Variants in SGCD observed in about 807,000 individuals in gnomAD.
SGCD encodes the protein delta-sarcoglycan.
Under a neutral mutation model 36.6 loss-of-function variants are expected in SGCD, and 18 were observed. The observed-to-expected ratio is 0.49, with a 90% CI of 0.34 to 0.73. The LOEUF is 0.73. Ranked by LOEUF, SGCD falls within the 30% of genes least tolerant of loss-of-function variation. SGCD has a pLI of 0.01. For synonymous variants in SGCD, 133 were observed against 130.6 expected (o/e 1.02, Z -0.12); for missense variants, 387 against 346.7 (o/e 1.12, Z -0.92).
intron 5 of SGCD, among the ~76,000 whole-genome samples, chr5:156,592,740 G>A (rs1347887541): frequency 6.6e-6 from 1 of 152,146 alleles, no homozygotes; most frequent in African/African-American, 2.4e-5. Flanking sequence ...GGTCAGATAA[G>A]ATGACTTCCG....
At chr5:156,205,018 C>G (rs945968655) in intron 3 of SGCD, among the ~76,000 whole-genome samples, 2 of 152,070 alleles carry the variant, frequency 1.3e-5, no homozygotes, top group African/African-American at 2.4e-5. Context: ...ATTATTTTCA[C>G]CTGAACAATA....
chr5:155,759,846 T>A, the SGCD span, among the ~76,000 whole-genome samples: 1 of 152,214 alleles, frequency 6.6e-6, no homozygotes, highest in African/African-American at 2.4e-5. Flanking sequence ...TTCTCAGCTA[T>A]TATCAAATTC....
chr5:156,387,770 G>A (rs1771348656), intron 3 of SGCD, among the ~76,000 whole-genome samples: 2 of 152,296 alleles, frequency 1.3e-5, no homozygotes, highest in South Asian at 4.1e-4. Flanking sequence ...TTATTTAGGG[G>A]AATGTGCATG....
intron 1 of SGCD, among the ~76,000 whole-genome samples, chr5:155,988,876 T>A (rs1321415399): frequency 6.6e-6 from 1 of 152,344 alleles, no homozygotes; most frequent in African/African-American, 2.4e-5. Flanking sequence ...TAGCTGTTGC[T>A]TTTATTATAA....
intron 1 of SGCD, among the ~76,000 whole-genome samples, chr5:155,982,471 C>A (rs985940105): frequency 6.6e-5 from 10 of 152,162 alleles, no homozygotes; most frequent in Non-Finnish European, 1.3e-4. Flanking sequence ...CTTTTCCAAT[C>A]TCAGTATACT....
chr5:156,367,117 A>G (rs1770146910), intron 3 of SGCD, among the ~76,000 whole-genome samples: 2 of 152,228 alleles, frequency 1.3e-5, no homozygotes, highest in African/African-American at 4.8e-5. Context: ...CTATTAACAT[A>G]TGAAAAATTT....
At chr5:155,861,160 T>C in the SGCD span, among the ~76,000 whole-genome samples, 2 of 152,180 alleles carry the variant, frequency 1.3e-5, no homozygotes, top group Non-Finnish European at 2.9e-5. Flanking sequence ...CTTTATTGCC[T>C]GCCCCACGGT....
chr5:155,779,425 G>A, the SGCD span, among the ~76,000 whole-genome samples: 16 of 151,784 alleles, frequency 1.1e-4, no homozygotes, highest in African/African-American at 3.9e-4. Flanking sequence ...GTGATGGAGC[G>A]ATACGCTGTC....
rs535692922 is a variant in SGCD at position 156,201,546 on chromosome 5, C to A, written c.-44+77527C>A. On this transcript the variant is annotated intron_variant, in intron 3 of 9. Transcript: ENST00000517913. ...GGAGGCCCACGGTTTAACAGAGAAACCAGTTTATGGCAAATTTGCCAACAT... is the reference window on the plus strand; with the variant it reads ...GGAGGCCCACGGTTTAACAGAGAAAACAGTTTATGGCAAATTTGCCAACAT... Among the ~76,000 whole-genome samples the A allele has an allele frequency of 3.3e-5, 5 of 152,212 alleles. No individual in the cohort carries two copies. In the South Asian group the frequency reaches 1.0e-3, roughly 32 times the overall value.
At chr5:156,447,077 T>G (rs1753782959) in intron 3 of SGCD, among the ~76,000 whole-genome samples, 1 of 152,076 alleles carries the variant, frequency 6.6e-6, no homozygotes, top group African/African-American at 2.4e-5. Context: ...ATTCTAAGGA[T>G]GGGATAACAC....
intron 7 of SGCD, among the ~76,000 whole-genome samples, chr5:156,650,840 A>G (rs1210184572): frequency 6.6e-6 from 1 of 152,164 alleles, no homozygotes; most frequent in East Asian, 1.9e-4. Context: ...CCCTTTGGGT[A>G]TATACCCAGT....
At chr5:155,992,983 C>T (rs1167347727) in intron 1 of SGCD, among the ~76,000 whole-genome samples, 1 of 152,132 alleles carries the variant, frequency 6.6e-6, no homozygotes. Context: ...GGCTCTTATA[C>T]TCCAGACCAC....
chr5:156,587,560 G>A (rs1451570375), intron 4 of SGCD, among the ~76,000 whole-genome samples: 1 of 152,128 alleles, frequency 6.6e-6, no homozygotes, highest in Non-Finnish European at 1.5e-5. Context: ...AGCCACCTGG[G>A]GATGGGTGTT....
chr5:156,277,448 T>G (rs1210005305), intron 3 of SGCD, among the ~76,000 whole-genome samples: 1 of 152,206 alleles, frequency 6.6e-6, no homozygotes, highest in Non-Finnish European at 1.5e-5. Flanking sequence ...AACATAAAAA[T>G]GCAAAGAGGG....
At chr5:156,597,951 C>T (rs1023289490) in intron 6 of SGCD, among the ~76,000 whole-genome samples, 15 of 152,084 alleles carry the variant, frequency 9.9e-5, no homozygotes, top group Admixed American at 9.2e-4. Flanking sequence ...CACAACCTGG[C>T]ATGTTGGACA....
chr5:156,339,160 T>G (rs1768514303), intron 2 of SGCD, among the ~76,000 whole-genome samples: 1 of 152,248 alleles, frequency 6.6e-6, no homozygotes, highest in Non-Finnish European at 1.5e-5. Context: ...TATTATATGA[T>G]AGCATTGTCT....
chr5:155,955,629 A>C (rs780084722), intron 1 of SGCD, among the ~76,000 whole-genome samples: 1 of 152,182 alleles, frequency 6.6e-6, no homozygotes, highest in Admixed American at 6.6e-5. Context: ...ATTTAGAGTC[A>C]AGTATTTCTG....
intron 4 of SGCD, among the ~76,000 whole-genome samples, chr5:156,539,975 CT>C (rs1307616674): frequency 2.7e-4 from 41 of 152,248 alleles, no homozygotes; most frequent in African/African-American, 9.6e-4. Context: ...CAAAAACCTT[CT>C]GAGCACCATA....
intron 1 of SGCD, among the ~76,000 whole-genome samples, chr5:155,886,879 A>C (rs1334808005): frequency 6.6e-6 from 1 of 152,180 alleles, no homozygotes; most frequent in Non-Finnish European, 1.5e-5. Context: ...GGGGCTGCCA[A>C]GTGAGCGCTG....
Sources: gnomAD v4.1 joint callset for allele counts (sites outside exome capture counted in the v4.1 genomes callset) on GRCh38, gnomAD v4.1.1 for gene constraint, MANE v1.5 for transcripts, NCBI Gene and HGNC (gene_info 2026-07-23, HGNC 2026-07-21) for gene names.